The following POU2F1 variants were observed in gnomAD, a reference collection of about 807,000 sequenced individuals.
POU2F1 encodes the protein POU domain, class 2, transcription factor 1.
A neutral mutation model predicts 84.9 loss-of-function variants in POU2F1; 16 were observed. The observed-to-expected ratio is 0.19, with a 90% CI of 0.13 to 0.29. The LOEUF (loss-of-function observed/expected upper bound fraction) is 0.29. POU2F1 is among the 10% of genes least tolerant of loss of function. POU2F1 has a pLI of 1.00. For missense variants in POU2F1, 738 were observed against 942.6 expected (o/e 0.78, Z 2.84); for synonymous variants, 368 against 368.3 (o/e 1.00, Z 0.01).
chr1:167,340,173 G>A (rs1199901276), intron 2 of POU2F1, among the ~76,000 whole-genome samples: 4 of 151,910 alleles, frequency 2.6e-5, no homozygotes, highest in African/African-American at 7.3e-5. Context: ...TCCACCTCCC[G>A]AGGTCAAGCA....
At chr1:167,380,562 A>G (rs1647460197) in intron 7 of POU2F1, 1 of 152,244 alleles carries the variant, frequency 6.6e-6, no homozygotes, top group Non-Finnish European at 1.5e-5. Context: ...GGATCAGCGT[A>G]GTGGAAATAC....
At chr1:167,389,005 C>G (rs991783394) in intron 8 of POU2F1, among the ~76,000 whole-genome samples, 4 of 151,824 alleles carry the variant, frequency 2.6e-5, no homozygotes, top group Non-Finnish European at 5.9e-5. Context: ...TTTTGTATAC[C>G]ATAATTACAG....
At chr1:167,304,727 C>T (rs1486506253) in intron 1 of POU2F1, among the ~76,000 whole-genome samples, 2 of 152,072 alleles carry the variant, frequency 1.3e-5, no homozygotes, top group African/African-American at 2.4e-5. Context: ...ATTTGTATAT[C>T]GTAAACTATG....
At chr1:167,273,891 A>G (rs1405865814) in intron 1 of POU2F1, among the ~76,000 whole-genome samples, 2 of 152,254 alleles carry the variant, frequency 1.3e-5, no homozygotes, top group Non-Finnish European at 2.9e-5. Flanking sequence ...TGACAAAGAT[A>G]TAAAAGCCAT....
chr1:167,254,768 G>A (rs1006914833), intron 1 of POU2F1, among the ~76,000 whole-genome samples: 3 of 152,132 alleles, frequency 2.0e-5, no homozygotes, highest in Non-Finnish European at 4.4e-5. Context: ...CTACCCCAGT[G>A]TCTTGAAAAA....
chr1:167,220,908 G>C lies in POU2F1; in HGVS notation c.11G>C (p.Gly4Ala). 1 of 1,535,286 alleles carries C rather than the reference G, an allele frequency of 6.5e-7. No individual in the cohort carries two copies. Among genetic ancestry groups the C allele is most frequent in the East Asian group, 2.4e-5 (1 of 40,898 alleles). ...GTTAAAATATTCAAAATGGCGGACG[G>C]AGGAGCAGCGAGTCAAGATGAGAGT... is the stretch of plus-strand genomic sequence containing the variant. Reference protein sequence around the residue: MADGGAASQDESSA... With the variant: MADAGAASQDESSA... The change falls in exon 1 of 16, where the codon GGA becomes GCA. Residue 4 changes from glycine (G) to alanine (A), a missense_variant. This residue lies in a region of POU2F1 where 161 missense variants were observed against 147.0 expected (regional missense o/e 1.10). Transcript: ENST00000367866.
chr1:167,223,987 G>T (rs189341368), intron 1 of POU2F1, among the ~76,000 whole-genome samples: 3 of 152,162 alleles, frequency 2.0e-5, no homozygotes, highest in Admixed American at 2.0e-4. Context: ...ATTTATTTCG[G>T]GTCAATTTCC....
At chr1:167,316,300 C>T (rs1038010889) in intron 1 of POU2F1, among the ~76,000 whole-genome samples, 1 of 152,102 alleles carries the variant, frequency 6.6e-6, no homozygotes, top group African/African-American at 2.4e-5. Flanking sequence ...ACATGGGACC[C>T]ATCTTTGAAG....
At chr1:167,272,350 T>C (rs1367970037) in intron 1 of POU2F1, among the ~76,000 whole-genome samples, 1 of 150,586 alleles carries the variant, frequency 6.6e-6, no homozygotes, top group Non-Finnish European at 1.5e-5. Flanking sequence ...GGAATGTTCT[T>C]ACTCTGGTTT....
intron 3 of POU2F1, among the ~76,000 whole-genome samples, chr1:167,366,819 A>G (rs910380872): frequency 8.5e-5 from 13 of 152,104 alleles, no homozygotes; most frequent in Non-Finnish European, 1.9e-4. Flanking sequence ...GCCTCCAGTA[A>G]TTTTTCTGGG....
intron 1 of POU2F1, among the ~76,000 whole-genome samples, chr1:167,287,134 G>A (rs1337923554): frequency 6.6e-6 from 1 of 152,132 alleles, no homozygotes; most frequent in African/African-American, 2.4e-5. Context: ...GTAGGCTGGG[G>A]CGAACAACCA....
At chr1:167,372,233 G>A (rs1001252660) in intron 5 of POU2F1, among the ~76,000 whole-genome samples, 197 bp downstream of exon 5, 1 of 152,050 alleles carries the variant, frequency 6.6e-6, no homozygotes, top group Non-Finnish European at 1.5e-5. Context: ...AAGTTTTCAG[G>A]ATATCTTTTA....
In POU2F1 at chr1:167,362,785, G is replaced by A. The variant is rs570934724; in HGVS notation, c.128-2682G>A. Reference sequence around the variant, plus strand: ...AGGGCTTTGGGACCACCTAGGGGTCGTCTCTAGTTGCCCAGTACCTGGCCC... The same window carrying A: ...AGGGCTTTGGGACCACCTAGGGGTCATCTCTAGTTGCCCAGTACCTGGCCC... On this transcript the variant is annotated intron_variant, in intron 2 of 15. Coordinates refer to ENST00000367866, the MANE Select transcript of POU2F1 (RefSeq NM_002697.4). 3.9e-5 allele frequency among the ~76,000 whole-genome samples: 6 copies of A among 152,234 alleles called. No homozygotes were observed. In the East Asian group the frequency reaches 5.8e-4, roughly 15 times the overall value.
At chr1:167,325,101 T>C (rs1467301962) in intron 1 of POU2F1, among the ~76,000 whole-genome samples, 1 of 152,232 alleles carries the variant, frequency 6.6e-6, no homozygotes, top group Non-Finnish European at 1.5e-5. Context: ...ACTTTTTTTG[T>C]AAATAATTAT....
At chr1:167,346,639 C>T (rs542603186) in intron 2 of POU2F1, among the ~76,000 whole-genome samples, 24 of 152,130 alleles carry the variant, frequency 1.6e-4, no homozygotes, top group Non-Finnish European at 7.4e-5. Context: ...ACGGTTCACG[C>T]GCCTATGAGA....
Position 167,253,290 on chromosome 1 carries a change from CTG to C in POU2F1, c.61+32335_61+32336del, listed in dbSNP as rs745690508. On this transcript the variant is annotated intron_variant, in intron 1 of 15. Coordinates refer to ENST00000367866, the MANE Select transcript of POU2F1 (RefSeq NM_002697.4). The stretch of plus-strand genomic sequence containing the variant: ...GGGTCAGAAACAAAACTTGGAGCCT[CTG>C]TGAATCCTGTAATCATTTACTAACT... Among the ~76,000 whole-genome samples the C allele has an allele frequency of 4.0e-5, 6 of 151,148 alleles. No homozygotes were observed. The South Asian group carries it at 1.0e-3, about 26-fold the overall frequency.
chr1:167,247,295 G>C lies in POU2F1; in HGVS notation c.61+26337G>C, dbSNP rs537381694. On this transcript the variant is annotated intron_variant, in intron 1 of 15. Transcript: ENST00000367866. ...TGCCCAGGCTAGTCTCAAACTCCTG[G>C]CCTTGAGTGATCCTTCTGCCTCGAC... 3.3e-5 allele frequency among the ~76,000 whole-genome samples: 5 copies of C among 152,082 alleles called. No individual in the cohort carries two copies. The South Asian group carries it at 6.2e-4, about 19-fold the overall frequency.
rs34170498 is a variant in POU2F1 at position 167,351,519 on chromosome 1, CAAAAAAAAAA to C, written c.128-13933_128-13924del. Among the ~76,000 whole-genome samples, 76 of 45,992 alleles carry C rather than the reference CAAAAAAAAAA, an allele frequency of 1.7e-3. 1 individual carries two copies. The highest frequency in any genetic ancestry group is 2.4e-3 in the Non-Finnish European group (56 of 23,312). The allele number at this position is 45,992 out of a possible 152,430, so 30.2% of individuals were successfully genotyped here. A position where few individuals can be genotyped will look rare whatever the true frequency, so the allele number is the denominator to read the frequency against. On this transcript the variant is annotated intron_variant, in intron 2 of 15. Transcript: ENST00000367866. ...GGTCAGGAAGAATGAAGCACCATCTCAAAAAAAAAAAAAAAAAAAAAAAAGAAAGAAAGAA... is the reference window on the plus strand; with the variant it reads ...GGTCAGGAAGAATGAAGCACCATCTCAAAAAAAAAAAAAAGAAAGAAAGAA...
intron 2 of POU2F1, among the ~76,000 whole-genome samples, chr1:167,361,154 A>G (rs1659328434): frequency 6.6e-6 from 1 of 152,008 alleles, no homozygotes; most frequent in Admixed American, 6.5e-5. Context: ...TGCTTTTCCT[A>G]TTTAGATGCT....
Sources: allele counts gnomAD v4.1 joint callset (sites outside exome capture counted in the v4.1 genomes callset), GRCh38; gene constraint gnomAD v4.1.1; regional missense constraint gnomAD v4.1.1; transcripts MANE v1.5; gene names NCBI Gene and HGNC (gene_info 2026-07-23, HGNC 2026-07-21).